The following CRK variants were observed in gnomAD, a reference collection of about 807,000 sequenced individuals.
The protein encoded by CRK is adapter molecule crk.
Under a neutral mutation model 29.8 loss-of-function variants are expected in CRK, and 4 were observed. The ratio of observed to expected loss-of-function variants is 0.13; its 90% CI spans 0.07 to 0.31. The LOEUF (loss-of-function observed/expected upper bound fraction) is 0.31, where lower values mean the gene tolerates loss of function less well. Ranked by LOEUF, CRK falls within the 10% of genes least tolerant of loss-of-function variation. The probability of loss-of-function intolerance (pLI) is 1.00; values close to 1 mark genes in which losing one functional copy is unlikely to be tolerated. For missense variants in CRK, 274 were observed against 396.5 expected (o/e 0.69, Z 2.62); for synonymous variants, 153 against 164.9 (o/e 0.93, Z 0.55).
chr17:1,437,081 T>C lies in CRK; in HGVS notation c.316A>G (p.Ile106Val), dbSNP rs749892558. 5.0e-6 allele frequency: 8 copies of C among 1,614,054 alleles called. No homozygotes were observed. In the East Asian group the frequency reaches 1.8e-4, roughly 36 times the overall value. Residue 106 changes from isoleucine (I) to valine (V), a missense_variant, in exon 2 of 3, where the codon ATA becomes GTA. Around this residue, in one of 3 missense-constraint regions of CRK, gnomAD observed 135 missense variants for 180.9 expected, o/e 0.75. Coordinates refer to ENST00000300574, the MANE Select transcript of CRK (RefSeq NM_016823.4). ...SLPALLEFYK[I>V]HYLDTTTLIE... ...AACGTTGTAGTGTCCAAATAGTGTATTTTGTAGAATTCCAGTAAAGCAGGC... is the reference window on the plus strand; with the variant it reads ...AACGTTGTAGTGTCCAAATAGTGTACTTTGTAGAATTCCAGTAAAGCAGGC...
At chr17:1,450,469 T>A (rs181378469) in intron 1 of CRK, among the ~76,000 whole-genome samples, 1 of 151,876 alleles carries the variant, frequency 6.6e-6, no homozygotes, top group Non-Finnish European at 1.5e-5. Flanking sequence ...ATCGCGCCAC[T>A]GCCCTCCGGC....
chr17:1,456,200 C>T lies in CRK; in HGVS notation c.-83G>A, dbSNP rs899736401. The stretch of plus-strand genomic sequence containing the variant: ...CGGCGCCCGCCGCCCAGCGGACCGG[C>T]TCCGGTTTCAGCTTCACAGCAGCGC... On this transcript the variant is annotated 5_prime_UTR_variant, in exon 1 of 3. Transcript: ENST00000300574. 2 of 1,350,356 alleles carry T rather than the reference C, an allele frequency of 1.5e-6. No individual in the cohort carries two copies. The highest frequency in any genetic ancestry group is 3.1e-5 in the African/African-American group (2 of 64,612). 83.6% of individuals were successfully genotyped at this position (1,350,356 alleles called of 1,614,324 possible).
intron 2 of CRK, among the ~76,000 whole-genome samples, chr17:1,429,368 C>G (rs908719157): frequency 6.6e-6 from 1 of 151,896 alleles, no homozygotes; most frequent in Non-Finnish European, 1.5e-5. Context: ...TTGCAAACTC[C>G]GCCTCCTGGA....
At chr17:1,433,836 T>G (rs1049131668) in intron 2 of CRK, among the ~76,000 whole-genome samples, 1 of 150,936 alleles carries the variant, frequency 6.6e-6, no homozygotes, top group Admixed American at 6.6e-5. Context: ...TTTTTTTTTT[T>G]TTTTTTTTTT....
rs115755265 is a variant in CRK, at chr17:1,453,201, A to G, written c.241+2676T>C. Among the ~76,000 whole-genome samples, 833 of 152,320 alleles carry G rather than the reference A, an allele frequency of 5.5e-3. 12 individuals are homozygous for G. The highest frequency in any genetic ancestry group is 0.019 in the African/African-American group (782 of 41,582). ...CTCGTGAATTTTCCACACCCCATCCATAAACTTTGGCAATCTTCACCGTCT... is the reference window on the plus strand; with the variant it reads ...CTCGTGAATTTTCCACACCCCATCCGTAAACTTTGGCAATCTTCACCGTCT... On this transcript the variant is annotated intron_variant, in intron 1 of 2. Coordinates refer to ENST00000300574, the MANE Select transcript of CRK (RefSeq NM_016823.4).
intron 1 of CRK, among the ~76,000 whole-genome samples, chr17:1,452,226 T>C (rs2074023385): frequency 6.6e-6 from 1 of 152,140 alleles, no homozygotes. Context: ...TTTCCTCCTG[T>C]ATAAAATGGG....
At chr17:1,428,152 C>G (rs758535521) in intron 2 of CRK, among the ~76,000 whole-genome samples, 217 of 136,188 alleles carry the variant, frequency 1.6e-3, no homozygotes, top group South Asian at 3.7e-3. Flanking sequence ...AGTTTTTGCT[C>G]TTGTCACCCA....
At chr17:1,431,237 T>C (rs1275224733) in intron 2 of CRK, among the ~76,000 whole-genome samples, 1 of 151,968 alleles carries the variant, frequency 6.6e-6, no homozygotes, top group Non-Finnish European at 1.5e-5. Flanking sequence ...TCTTTAACAG[T>C]CTGGAGGAAG....
chr17:1,430,833 C>A (rs182564909), intron 2 of CRK, among the ~76,000 whole-genome samples: 6 of 151,156 alleles, frequency 4.0e-5, no homozygotes, highest in Non-Finnish European at 8.9e-5. Flanking sequence ...TTTGGGAGGC[C>A]GAGGTGGGTG....
chr17:1,442,460 A>G (rs2073942562), intron 1 of CRK, among the ~76,000 whole-genome samples: 1 of 151,808 alleles, frequency 6.6e-6, no homozygotes, highest in African/African-American at 2.4e-5. Context: ...GAGATTGCAG[A>G]TGTGAGCCAG....
intron 1 of CRK, among the ~76,000 whole-genome samples, chr17:1,443,599 C>T (rs1397615889): frequency 1.3e-5 from 2 of 150,026 alleles, no homozygotes; most frequent in Non-Finnish European, 3.0e-5. Flanking sequence ...CGGGGTTTCA[C>T]CATGTTAGCC....
At chr17:1,431,046 G>A (rs935411475) in intron 2 of CRK, among the ~76,000 whole-genome samples, 2 of 150,778 alleles carry the variant, frequency 1.3e-5, no homozygotes, top group Non-Finnish European at 2.9e-5. Flanking sequence ...CAGCCTGGGC[G>A]ACAGAGTGAG....
intron 1 of CRK, among the ~76,000 whole-genome samples, chr17:1,450,210 A>G (rs987466932): frequency 4.0e-5 from 6 of 151,894 alleles, no homozygotes; most frequent in Non-Finnish European, 8.8e-5. Flanking sequence ...GTCTCAAAAC[A>G]TAAATAAAGT....
At chr17:1,432,129 A>G (rs936680915) in intron 2 of CRK, among the ~76,000 whole-genome samples, 1 of 152,118 alleles carries the variant, frequency 6.6e-6, no homozygotes, top group African/African-American at 2.4e-5. Flanking sequence ...CCTGTAACAC[A>G]TTCTTAGGAG....
At chr17:1,444,599 G>GGGC (rs1555654450) in intron 1 of CRK, among the ~76,000 whole-genome samples, 1 of 149,940 alleles carries the variant, frequency 6.7e-6, no homozygotes, top group African/African-American at 2.4e-5. Context: ...CCGAAGCGGG[G>GGGC]GGGGGGATCA....
chr17:1,452,907 C>G (rs2074029511), intron 1 of CRK, among the ~76,000 whole-genome samples: 1 of 152,018 alleles, frequency 6.6e-6, no homozygotes, highest in Non-Finnish European at 1.5e-5. Flanking sequence ...AATTTGAGAC[C>G]AGCCTGGACA....
At position 1,456,210 on chromosome 17, in the gene CRK, A is replaced by G; in HGVS notation, c.-93T>C. Reference sequence around the variant, plus strand: ...CGCCCAGCGGACCGGCTCCGGTTTCAGCTTCACAGCAGCGCCCGAAATGGC... The same window carrying G: ...CGCCCAGCGGACCGGCTCCGGTTTCGGCTTCACAGCAGCGCCCGAAATGGC... On this transcript the variant is annotated 5_prime_UTR_variant, in exon 1 of 3. Transcript: ENST00000300574. 2 of 1,327,070 alleles carry G rather than the reference A, an allele frequency of 1.5e-6. No homozygotes were observed. Among genetic ancestry groups the G allele is most frequent in the East Asian group, 6.4e-5 (2 of 31,210 alleles). The allele number at this position is 1,327,070 out of a possible 1,614,324, so 82.2% of individuals were successfully genotyped here.
At chr17:1,447,298 A>G (rs1298366504) in intron 1 of CRK, among the ~76,000 whole-genome samples, 4 of 152,182 alleles carry the variant, frequency 2.6e-5, no homozygotes, top group African/African-American at 9.6e-5. Flanking sequence ...GAAAACCTCA[A>G]TGACTTGTTC....
At chr17:1,424,069 T>C (rs900638139) in intron 2 of CRK, among the ~76,000 whole-genome samples, 2 of 138,500 alleles carry the variant, frequency 1.4e-5, no homozygotes, top group African/African-American at 6.0e-5. Flanking sequence ...CTTTCTCCGT[T>C]TTTTTTTTTT....
Sources: gnomAD v4.1 joint callset for allele counts (sites outside exome capture counted in the v4.1 genomes callset) on GRCh38, gnomAD v4.1.1 for gene constraint, gnomAD v4.1.1 regional missense constraint, MANE v1.5 for transcripts, NCBI Gene and HGNC (gene_info 2026-07-23, HGNC 2026-07-21) for gene names.